The following CFAP20DC variants were observed in gnomAD, a reference collection of about 807,000 sequenced individuals.
CFAP20DC encodes the protein CFAP20 domain containing, also known as protein CFAP20DC.
Under a neutral mutation model 101.7 loss-of-function variants are expected in CFAP20DC, and 84 were observed. That is an observed-to-expected ratio of 0.83 (90% CI 0.69 to 0.99). The LOEUF is 0.99. Among genes scored for constraint, CFAP20DC ranks in the 50% least tolerant of loss-of-function variants. The pLI is 0.00. For missense variants in CFAP20DC, 1,007 were observed against 970.3 expected (o/e 1.04, Z -0.50); for synonymous variants, 359 against 351.2 (o/e 1.02, Z -0.25).
chr3:58,740,729 C>T (rs2067861983), downstream of CFAP20DC, among the ~76,000 whole-genome samples: 1 of 151,894 alleles, frequency 6.6e-6, no homozygotes, highest in South Asian at 2.1e-4. The surrounding 1 kb of genome is among the most constrained non-coding windows in gnomAD (Gnocchi z 4.6). Context: ...ATATTTATAA[C>T]TACAAGTCTT....
intron 15 of CFAP20DC, among the ~76,000 whole-genome samples, chr3:58,763,199 T>C (rs1176430998): frequency 2.6e-5 from 4 of 152,242 alleles, no homozygotes; most frequent in Admixed American, 2.6e-4. Context: ...TTTGGTCTTT[T>C]CACATAGTCC....
intron 4 of CFAP20DC, among the ~76,000 whole-genome samples, chr3:58,952,808 G>A (rs2090267269): frequency 1.3e-5 from 2 of 151,934 alleles, no homozygotes; most frequent in Non-Finnish European, 2.9e-5. Flanking sequence ...TAGGTTCAGG[G>A]GTTTATAATT....
Position 58,831,795 on chromosome 3 carries a change from T to G in CFAP20DC, c.2066A>C (p.Glu689Ala). The change falls in exon 14 of 17, where the codon GAG becomes GCG. Residue 689 changes from glutamate to alanine, a missense_variant. Transcript: ENST00000482387. ...SLRWQQNEEL[E>A]DAGTSHGLSA... is the part of the protein sequence containing the mutation. The stretch of plus-strand genomic sequence containing the variant: ...CAGGCCATGGGAGGTCCCAGCATCC[T>G]CCAGTTCTTCATTTTGTTGCCACCG... 6.2e-7 allele frequency: 1 copy of G among 1,614,078 alleles called. No individual in the cohort carries two copies. The highest frequency in any genetic ancestry group is 8.5e-7 in the Non-Finnish European group (1 of 1,179,954).
At chr3:58,953,995 T>G (rs934056248) in intron 4 of CFAP20DC, among the ~76,000 whole-genome samples, 1 of 152,076 alleles carries the variant, frequency 6.6e-6, no homozygotes, top group South Asian at 2.1e-4. Context: ...TGAGAGAAAA[T>G]GGGGTAGTTG....
chr3:58,866,519 T>A, intron 11 of CFAP20DC, 47 bp downstream of exon 11: 1 of 1,459,808 alleles, frequency 6.9e-7, no homozygotes, highest in South Asian at 1.4e-5. Flanking sequence ...TTACCATATT[T>A]ACATTTTATT....
chr3:58,951,687 C>G lies in CFAP20DC; in HGVS notation c.279-13925G>C, dbSNP rs1307807660. ...AAACCAAACACCTCATGTTCTCACTCATAGGTGGGAATTGAACAATGAGAT... is the reference window on the plus strand; with the variant it reads ...AAACCAAACACCTCATGTTCTCACTGATAGGTGGGAATTGAACAATGAGAT... On this transcript the variant is annotated intron_variant, in intron 4 of 16. Coordinates refer to ENST00000482387, the MANE Select transcript of CFAP20DC (RefSeq NM_001394063.1). 5.9e-5 allele frequency among the ~76,000 whole-genome samples: 9 copies of G among 151,694 alleles called. No individual in the cohort carries two copies. In the East Asian group the frequency reaches 1.5e-3, roughly 26 times the overall value.
At chr3:58,886,912 T>C (rs2081682443) in intron 6 of CFAP20DC, among the ~76,000 whole-genome samples, 2 of 152,180 alleles carry the variant, frequency 1.3e-5, no homozygotes, top group Non-Finnish European at 2.9e-5. Flanking sequence ...TGTGTATATA[T>C]GTGACTGTAT....
rs148041236 is a variant in CFAP20DC at position 59,037,523 on chromosome 3, C to T, written c.278+2034G>A. Among the ~76,000 whole-genome samples, 1,076 of 151,304 alleles carry T rather than the reference C, an allele frequency of 7.1e-3. 11 individuals carry two copies. Among genetic ancestry groups the T allele is most frequent in the African/African-American group, 0.024 (1,006 of 41,318 alleles). ...GACATTTATGTGGGCAACAAATATG[C>T]GAAAAAAAGCTCATCATCACTGGTC... On this transcript the variant is annotated intron_variant, in intron 4 of 16. Transcript: ENST00000482387.
At chr3:59,040,754 T>A (rs547087640) in intron 3 of CFAP20DC, among the ~76,000 whole-genome samples, 68 of 152,192 alleles carry the variant, frequency 4.5e-4, no homozygotes, top group African/African-American at 1.5e-3. Flanking sequence ...CCTGAACAAC[T>A]TATAACAGTT....
At chr3:58,842,776 T>G (rs937756188) in intron 13 of CFAP20DC, among the ~76,000 whole-genome samples, 14 of 152,326 alleles carry the variant, frequency 9.2e-5, no homozygotes, top group African/African-American at 2.4e-4. Context: ...CTGACAGCTT[T>G]GAAGGAGCAG....
intron 7 of CFAP20DC, among the ~76,000 whole-genome samples, chr3:58,880,691 G>A (rs2081167213): frequency 6.6e-6 from 1 of 152,014 alleles, no homozygotes; most frequent in African/African-American, 2.4e-5. Context: ...TGTCATCTTT[G>A]TTGTAACAGA....
chr3:58,870,137 T>C (rs1198255012), intron 8 of CFAP20DC, 36 bp downstream of exon 8: 7 of 1,343,376 alleles, frequency 5.2e-6, no homozygotes, highest in Non-Finnish European at 7.0e-6. Flanking sequence ...ACCAGGTCAC[T>C]TGTGCTTAGA....
At chr3:58,919,126 C>A (rs1489929141) in intron 5 of CFAP20DC, among the ~76,000 whole-genome samples, 2 of 152,184 alleles carry the variant, frequency 1.3e-5, no homozygotes, top group African/African-American at 2.4e-5. Flanking sequence ...ATCATAGGGG[C>A]AACCACTGAT....
intron 4 of CFAP20DC, among the ~76,000 whole-genome samples, chr3:58,962,142 T>C (rs545285627): frequency 5.8e-4 from 88 of 152,342 alleles, no homozygotes; most frequent in African/African-American, 2.0e-3. Context: ...TCTTAACATA[T>C]GAATTTACAG....
intron 14 of CFAP20DC, among the ~76,000 whole-genome samples, chr3:58,816,061 G>C (rs549212223): frequency 3.7e-4 from 56 of 151,902 alleles, no homozygotes; most frequent in Non-Finnish European, 6.9e-4. Context: ...ACATGCACAC[G>C]TATATTTATT....
intron 6 of CFAP20DC, among the ~76,000 whole-genome samples, chr3:58,911,683 T>G (rs1378456834): frequency 6.6e-6 from 1 of 152,174 alleles, no homozygotes; most frequent in Non-Finnish European, 1.5e-5. Context: ...ATTTTATAGA[T>G]GCAGTATCTT....
chr3:59,041,502 A>AT (rs1432151534), intron 3 of CFAP20DC, among the ~76,000 whole-genome samples: 14 of 151,890 alleles, frequency 9.2e-5, no homozygotes, highest in Non-Finnish European at 2.1e-4. Flanking sequence ...CTATAGTAAC[A>AT]TTTTTTTCCA....
At chr3:58,838,733 C>T (rs942556882) in intron 13 of CFAP20DC, among the ~76,000 whole-genome samples, 4 of 152,144 alleles carry the variant, frequency 2.6e-5, no homozygotes, top group African/African-American at 4.8e-5. Context: ...ACAAATAGAG[C>T]TGAACTCTTA....
intron 3 of CFAP20DC, among the ~76,000 whole-genome samples, chr3:58,719,422 A>G (rs866424933): frequency 5.9e-5 from 9 of 152,214 alleles, no homozygotes; most frequent in South Asian, 2.1e-4. Context: ...ACTACCTGTC[A>G]TGTAGTAGAT....
Sources: gnomAD v4.1 joint callset for allele counts (sites outside exome capture counted in the v4.1 genomes callset) on GRCh38, gnomAD v4.1.1 for gene constraint, Gnocchi (gnomAD v3.1) non-coding constraint, MANE v1.5 for transcripts, NCBI Gene and HGNC (gene_info 2026-07-23, HGNC 2026-07-21) for gene names.